The following SBF2 variants were observed in gnomAD, a reference collection of about 807,000 sequenced individuals.
The protein encoded by SBF2 is myotubularin-related protein 13.
A neutral mutation model predicts 225.2 loss-of-function variants in SBF2; 112 were observed. The ratio of observed to expected loss-of-function variants is 0.50; its 90% CI spans 0.43 to 0.58. The LOEUF (loss-of-function observed/expected upper bound fraction) is 0.58. Among genes scored for constraint, SBF2 ranks in the 20% least tolerant of loss-of-function variants. The probability of loss-of-function intolerance (pLI) is 0.00; values close to 1 mark genes in which losing one functional copy is unlikely to be tolerated. For synonymous variants in SBF2, 763 were observed against 773.3 expected, an observed-to-expected ratio of 0.99 and a Z score of 0.22; for missense variants, 1,996 against 2,206.2, an observed-to-expected ratio of 0.90 and a Z score of 1.91.
At chr11:10,004,451 T>C (rs1590732254) in intron 6 of SBF2, among the ~76,000 whole-genome samples, 2 of 151,086 alleles carry the variant, frequency 1.3e-5, no homozygotes, top group African/African-American at 2.4e-5. Context: ...AATGATTATA[T>C]AGCTGTGAAA....
intron 32 of SBF2, among the ~76,000 whole-genome samples, chr11:9,799,878 T>C (rs960108269): frequency 1.3e-4 from 20 of 152,242 alleles, no homozygotes; most frequent in African/African-American, 4.3e-4. Context: ...AAGAATGATG[T>C]CAACTTTTCA....
chr11:10,019,430 ATAAT>A (rs1414111264), intron 6 of SBF2, among the ~76,000 whole-genome samples: 1 of 152,248 alleles, frequency 6.6e-6, no homozygotes, highest in Non-Finnish European at 1.5e-5. Flanking sequence ...CTGTCAAAAA[ATAAT>A]TAATCATAGA....
At chr11:9,912,369 A>C (rs1333071937) in intron 16 of SBF2, among the ~76,000 whole-genome samples, 1 of 151,086 alleles carries the variant, frequency 6.6e-6, no homozygotes, top group Non-Finnish European at 1.5e-5. Flanking sequence ...GGCGAATCAC[A>C]AGGTCAGGAG....
upstream of SBF2, among the ~76,000 whole-genome samples, chr11:10,299,163 C>T (rs1964573934): frequency 6.6e-6 from 1 of 151,788 alleles, no homozygotes; most frequent in Non-Finnish European, 1.5e-5. Context: ...ACGGTGAAAC[C>T]CTGTCTCTAC....
chr11:9,860,565 G>C (rs953219363), intron 17 of SBF2, among the ~76,000 whole-genome samples: 2 of 151,886 alleles, frequency 1.3e-5, no homozygotes, highest in Admixed American at 1.3e-4. Context: ...TCCTGGGCTC[G>C]AGTGATCCAC....
chr11:9,908,976 T>A (rs1032585093), intron 16 of SBF2, among the ~76,000 whole-genome samples: 3 of 151,816 alleles, frequency 2.0e-5, no homozygotes, highest in Non-Finnish European at 4.4e-5. Flanking sequence ...ATGTGAGCCA[T>A]CATACCCAGC....
chr11:10,147,390 A>T (rs1954941008), intron 2 of SBF2, among the ~76,000 whole-genome samples: 1 of 152,230 alleles, frequency 6.6e-6, no homozygotes, highest in Admixed American at 6.5e-5. Flanking sequence ...ATGCAGCCAT[A>T]AAAAAGAATG....
chr11:10,174,159 G>A (rs1026878271), intron 2 of SBF2, among the ~76,000 whole-genome samples: 19 of 152,164 alleles, frequency 1.2e-4, no homozygotes, highest in South Asian at 2.1e-4. Context: ...AAGCTGGACG[G>A]AGAATGACTT....
chr11:9,806,121 A>G (rs1853831025), intron 32 of SBF2, among the ~76,000 whole-genome samples: 1 of 152,248 alleles, frequency 6.6e-6, no homozygotes, highest in African/African-American at 2.4e-5. Context: ...CAGACTAAGT[A>G]GAGGGCAATA....
chr11:10,144,015 G>A (rs1269886498), intron 2 of SBF2, among the ~76,000 whole-genome samples: 2 of 152,074 alleles, frequency 1.3e-5, no homozygotes, highest in African/African-American at 2.4e-5. Context: ...CACTGTGCCC[G>A]GCCCAACAAC....
chr11:10,200,693 A>G (rs1957538592), intron 1 of SBF2, among the ~76,000 whole-genome samples: 1 of 152,076 alleles, frequency 6.6e-6, no homozygotes, highest in Non-Finnish European at 1.5e-5. Flanking sequence ...TATTTAATTA[A>G]CTTACTTTTT....
intron 1 of SBF2, among the ~76,000 whole-genome samples, chr11:10,199,524 A>G (rs1957500150): frequency 6.6e-6 from 1 of 152,140 alleles, no homozygotes; most frequent in Non-Finnish European, 1.5e-5. Flanking sequence ...AAACAAACAA[A>G]CCCACCCATA....
intron 1 of SBF2, among the ~76,000 whole-genome samples, chr11:10,254,006 T>C (rs1049415581): frequency 6.6e-6 from 1 of 152,198 alleles, no homozygotes; most frequent in Non-Finnish European, 1.5e-5. Flanking sequence ...GGTGAGGATA[T>C]AGAGAAAAGG....
At chr11:9,956,149 A>G (rs911876380) in intron 16 of SBF2, among the ~76,000 whole-genome samples, 9 of 152,154 alleles carry the variant, frequency 5.9e-5, no homozygotes, top group African/African-American at 2.2e-4. Flanking sequence ...AAGAAGATAT[A>G]AGTTATCCAT....
At chr11:10,053,876 T>C (rs907135111) in intron 2 of SBF2, among the ~76,000 whole-genome samples, 4 of 151,656 alleles carry the variant, frequency 2.6e-5, no homozygotes, top group Admixed American at 1.3e-4. Context: ...GCTGTGATCA[T>C]GACACTGCAC....
intron 30 of SBF2, 78 bp from the exon 31 acceptor site, chr11:9,809,080 T>C (rs1564873278): frequency 9.2e-7 from 1 of 1,089,524 alleles, no homozygotes; most frequent in Non-Finnish European, 1.4e-6. Context: ...CTTTCAACCC[T>C]GGATAATCAA....
chr11:9,983,519 A>C (rs1446056395), intron 13 of SBF2, among the ~76,000 whole-genome samples: 1 of 152,136 alleles, frequency 6.6e-6, no homozygotes, highest in Non-Finnish European at 1.5e-5. Flanking sequence ...GACAAAGGGC[A>C]TATTATCTTG....
intron 2 of SBF2, among the ~76,000 whole-genome samples, chr11:10,192,714 C>T (rs772396678): frequency 1.1e-4 from 16 of 152,136 alleles, no homozygotes; most frequent in Non-Finnish European, 1.9e-4. Context: ...AAAAGTCATA[C>T]CACGCAGCTG....
intron 2 of SBF2, among the ~76,000 whole-genome samples, chr11:10,074,555 T>C (rs1951022641): frequency 6.6e-6 from 1 of 152,234 alleles, no homozygotes; most frequent in Non-Finnish European, 1.5e-5. Context: ...TCAAAGTCTG[T>C]GATAGCTATA....
Sources: allele counts gnomAD v4.1 joint callset (sites outside exome capture counted in the v4.1 genomes callset), GRCh38; gene constraint gnomAD v4.1.1; transcripts MANE v1.5; gene names NCBI Gene and HGNC (gene_info 2026-07-23, HGNC 2026-07-21).